Variants in LTBR observed in about 807,000 individuals in gnomAD.
LTBR encodes the protein tumor necrosis factor receptor superfamily member 3.
Under a neutral mutation model 45.4 loss-of-function variants are expected in LTBR, and 15 were observed. That is an observed-to-expected ratio of 0.33 (90% CI 0.22 to 0.51). LTBR has a LOEUF of 0.51. Among genes scored for constraint, LTBR ranks in the 20% least tolerant of loss-of-function variants. The probability of loss-of-function intolerance (pLI) is 0.97; values close to 1 mark genes in which losing one functional copy is unlikely to be tolerated. For missense variants in LTBR, 450 were observed against 565.5 expected (o/e 0.80, Z 2.07); for synonymous variants, 228 against 231.0 (o/e 0.99, Z 0.12).
In LTBR at chr12:6,391,226, C is replaced by G; in HGVS notation, c.*289C>G. The G allele has an allele frequency of 3.1e-6, 1 of 321,110 alleles. No homozygotes were observed. Among genetic ancestry groups the G allele is most frequent in the Non-Finnish European group, 5.7e-6 (1 of 176,146 alleles). The allele number at this position is 321,110 out of a possible 1,614,324, so 19.9% of individuals were successfully genotyped here. A position where few individuals can be genotyped will look rare whatever the true frequency, so the allele number is the denominator to read the frequency against. On this transcript the variant is annotated 3_prime_UTR_variant, in exon 10 of 10. Coordinates refer to ENST00000228918, the MANE Select transcript of LTBR (RefSeq NM_002342.3). ...CAGGGCACATGATACCAACTGCTGC[C>G]CACTACGGCACGCCGCACCGGAGCA...
At chr12:6,375,580 G>T (rs569868085) in exon 1 of LTBR, 14 of 1,522,352 alleles carry the variant, frequency 9.2e-6, no homozygotes, top group Admixed American at 2.0e-5. Flanking sequence ...AATCTCATTA[G>T]CATCTCAATT....
Position 6,386,619 on chromosome 12 carries a change from A to C in LTBR, c.667+175A>C. On this transcript the variant is annotated intron_variant, in intron 6 of 9. Transcript: ENST00000228918. This position sits in a 1 kb window ranked among gnomAD's most constrained non-coding sequence, Gnocchi z 4.1. ...TAGGCTAGTTTACACACACACACACACACACACACACACACACTTTTAAAA... is the reference window on the plus strand; with the variant it reads ...TAGGCTAGTTTACACACACACACACCCACACACACACACACACTTTTAAAA... 2 of 598,556 alleles carry C rather than the reference A, an allele frequency of 3.3e-6. No individual in the cohort carries two copies. Among genetic ancestry groups the C allele is most frequent in the Non-Finnish European group, 6.0e-6 (2 of 332,066 alleles). The allele number at this position is 598,556 out of a possible 1,614,324, so 37.1% of individuals were successfully genotyped here. A position where few individuals can be genotyped will look rare whatever the true frequency, so the allele number is the denominator to read the frequency against.
At chr12:6,383,373 T>C (rs79006907), upstream of LTBR, among the ~76,000 whole-genome samples, 3 of 152,280 alleles carry the variant, frequency 2.0e-5, no homozygotes, top group Non-Finnish European at 4.4e-5. Context: ...GTATCACCCT[T>C]AGCCTCCCTC....
chr12:6,384,063 C>A, upstream of LTBR: 1 of 1,215,414 alleles, frequency 8.2e-7, no homozygotes, highest in Non-Finnish European at 1.0e-6. Flanking sequence ...CGCCCCGCAT[C>A]GAGGCAGACA....
chr12:6,386,107 G>T lies in LTBR; in HGVS notation c.514G>T (p.Ala172Ser), dbSNP rs1235794885. 2 of 1,613,908 alleles carry T rather than the reference G, an allele frequency of 1.2e-6. No individual in the cohort carries two copies. The highest frequency in any genetic ancestry group is 1.7e-5 in the Admixed American group (1 of 60,002). Residue 172 changes from alanine (A) to serine (S), a missense_variant, in exon 5 of 10, where the codon GCC (alanine) becomes TCC (serine). Physicochemically the swap from Ala to Ser is moderately conservative, Grantham distance 99. Coordinates refer to ENST00000228918, the MANE Select transcript of LTBR (RefSeq NM_002342.3). The surrounding 1 kb of genome is among the most constrained non-coding windows in gnomAD (Gnocchi z 4.1). Reference protein sequence around the residue: ...KGNNHCVPCKAGHFQNTSSPS... With the variant: ...KGNNHCVPCKSGHFQNTSSPS... ...TAACAACCACTGCGTCCCCTGCAAG[G>T]CCGGGCACTTCCAGAATACCTCCTC...
intron 1 of LTBR, chr12:6,375,922 A>T: frequency 9.1e-7 from 1 of 1,104,818 alleles, no homozygotes; most frequent in Non-Finnish European, 1.1e-6. Flanking sequence ...AGCGAAGGAC[A>T]GAGAGATAGG....
rs771677644 is a variant in LTBR, at chr12:6,390,655, T to A, written c.1031-5T>A. 22 of 1,500,072 alleles carry A rather than the reference T, an allele frequency of 1.5e-5. No homozygotes were observed. In the Admixed American group the frequency reaches 1.6e-4, roughly 11 times the overall value. 92.9% of individuals were successfully genotyped at this position (1,500,072 alleles called of 1,614,324 possible). A position where few individuals can be genotyped will look rare whatever the true frequency, so the allele number is the denominator to read the frequency against. On this transcript the variant is annotated splice_polypyrimidine_tract_variant and splice_region_variant and intron_variant, in intron 9 of 9. Coordinates refer to ENST00000228918, the MANE Select transcript of LTBR (RefSeq NM_002342.3). ...TTCCTCAACACTCTGCCTCCCTTCC[T>A]ACAGGTACCAATGGCATTCATGTCA...
At position 6,386,128 on chromosome 12, in the gene LTBR, T is replaced by A. The variant is rs1252874511; in HGVS notation, c.535T>A (p.Ser179Thr). ...CAAGGCCGGGCACTTCCAGAATACC[T>A]CCTCCCCCAGCGCCCGCTGCCAGCC... ...PCKAGHFQNT[S>T]SPSARCQPHT... Residue 179 changes from serine (S) to threonine (T), a missense_variant, in exon 5 of 10, where the codon TCC becomes ACC. Ser to Thr is a moderately conservative substitution (Grantham distance 58). Coordinates refer to ENST00000228918, the MANE Select transcript of LTBR (RefSeq NM_002342.3). The surrounding 1 kb of genome is among the most constrained non-coding windows in gnomAD (Gnocchi z 4.1). 1.9e-6 allele frequency: 3 copies of A among 1,613,116 alleles called. No homozygotes were observed. Among genetic ancestry groups the A allele is most frequent in the Non-Finnish European group, 1.7e-6 (2 of 1,179,558 alleles).
chr12:6,391,099 G>A lies in LTBR; in HGVS notation c.*162G>A, dbSNP rs2136937063. 2 of 697,996 alleles carry A rather than the reference G, an allele frequency of 2.9e-6. No homozygotes were observed. The highest frequency in any genetic ancestry group is 2.9e-5 in the South Asian group (1 of 34,012). The allele number at this position is 697,996 out of a possible 1,614,324, so 43.2% of individuals were successfully genotyped here. A position where few individuals can be genotyped will look rare whatever the true frequency, so the allele number is the denominator to read the frequency against. On this transcript the variant is annotated 3_prime_UTR_variant, in exon 10 of 10. Transcript: ENST00000228918. ...CTCTGAGAGCAGGTGGGCACTGGCT[G>A]GGTACGGTGCCCTCCACAGGACTCT...
At chr12:6,376,258 C>A (rs1056666091) in intron 1 of LTBR, 3 of 912,660 alleles carry the variant, frequency 3.3e-6, no homozygotes, top group East Asian at 2.4e-4. Context: ...TCGCCACCCC[C>A]TCCAACCTTG....
rs760784258 is a variant in LTBR, at chr12:6,386,456, G to A, written c.667+12G>A. On this transcript the variant is annotated intron_variant, in intron 6 of 9. Transcript: ENST00000228918. The surrounding 1 kb of genome is among the most constrained non-coding windows in gnomAD (Gnocchi z 4.1). ...CCCAGAGATGTCAGGTGAGGGACCA[G>A]GGCTGAGGGACACGGGGGGGGCGCC... 6.4e-7 allele frequency: 1 copy of A among 1,558,812 alleles called. No individual in the cohort carries two copies. Among genetic ancestry groups the A allele is most frequent in the East Asian group, 2.3e-5 (1 of 42,866 alleles).
rs1261799897 is a variant in LTBR, at chr12:6,385,250, C to T, written c.343C>T (p.Pro115Ser). Reference sequence around the variant, plus strand: ...AGTGATGGGCCTCGAGGAGATTGCCCCCTGCACAAGCAAACGGAAGACCCA... The same window carrying T: ...AGTGATGGGCCTCGAGGAGATTGCCTCCTGCACAAGCAAACGGAAGACCCA... ...DPVMGLEEIA[P>S]CTSKRKTQCR... Residue 115 changes from proline (P) to serine (S), a missense_variant, in exon 4 of 10, where the codon CCC becomes TCC. Transcript: ENST00000228918. The T allele has an allele frequency of 6.2e-7, 1 of 1,614,088 alleles. No homozygotes were observed. Among genetic ancestry groups the T allele is most frequent in the Non-Finnish European group, 8.5e-7 (1 of 1,180,018 alleles).
chr12:6,384,949 G>A, intron 2 of LTBR, 73 bp from the exon 3 acceptor site: 2 of 1,588,736 alleles, frequency 1.3e-6, no homozygotes, highest in Non-Finnish European at 1.7e-6. Context: ...AAAGGCCAGG[G>A]TCACACTACA....
upstream of LTBR, among the ~76,000 whole-genome samples, chr12:6,380,027 C>A (rs985587543): frequency 6.6e-6 from 1 of 151,948 alleles, no homozygotes; most frequent in Non-Finnish European, 1.5e-5. Flanking sequence ...AACCTTGGCA[C>A]TATTGACATT....
In LTBR at chr12:6,388,451, G is replaced by C. The variant is rs1949073983; in HGVS notation, c.721G>C (p.Ala241Pro). Residue 241 changes from alanine to proline, a missense_variant, in exon 7 of 10, where the codon GCC (alanine) becomes CCC (proline). Coordinates refer to ENST00000228918, the MANE Select transcript of LTBR (RefSeq NM_002342.3). This position sits in a 1 kb window ranked among gnomAD's most constrained non-coding sequence, Gnocchi z 4.3. ...GCCACTGGCCTTCTTTCTGCTCCTT[G>C]CCACCGTCTTCTCCTGCATCTGGAA... ...LLPLAFFLLLATVFSCIWKSH... is the reference protein window; with the variant it reads ...LLPLAFFLLLPTVFSCIWKSH... 1 of 1,613,796 alleles carries C rather than the reference G, an allele frequency of 6.2e-7. No individual in the cohort carries two copies. The highest frequency in any genetic ancestry group is 8.5e-7 in the Non-Finnish European group (1 of 1,180,002).
Position 6,388,996 on chromosome 12 carries a change from G to A in LTBR, c.801+171G>A, listed in dbSNP as rs149639344. 3 of 712,866 alleles carry A rather than the reference G, an allele frequency of 4.2e-6. No homozygotes were observed. In the African/African-American group the frequency reaches 5.3e-5, roughly 13 times the overall value. 44.2% of individuals were successfully genotyped at this position (712,866 alleles called of 1,614,324 possible). On this transcript the variant is annotated intron_variant, in intron 8 of 9. Transcript: ENST00000228918. This position sits in a 1 kb window ranked among gnomAD's most constrained non-coding sequence, Gnocchi z 4.3. The stretch of plus-strand genomic sequence containing the variant: ...CACTGTCCTAGGCACTGGGCGTACA[G>A]CAGTGAGCAAAACACAGTACCTCAT...
rs1303365451 is a variant in LTBR at position 6,384,588 on chromosome 12, G to T, written c.97G>T (p.Val33Leu). The change falls in exon 2 of 10, where the codon GTG becomes TTG. Residue 33 changes from valine to leucine, a missense_variant and splice_region_variant. Val to Leu is a conservative substitution (Grantham distance 32). This residue lies in a region of LTBR where 367 missense variants were observed against 435.4 expected (regional missense o/e 0.84). Transcript: ENST00000228918. The part of the protein sequence containing the change: ...GLLAASQPQA[V>L]PPYASENQTC... ...TCCTCTTCTCCATCTCCCTTTGAAG[G>T]TGCCTCCATATGCGTCGGAGAACCA... is the stretch of plus-strand genomic sequence containing the variant. 1 of 1,613,814 alleles carries T rather than the reference G, an allele frequency of 6.2e-7. No homozygotes were observed. Among genetic ancestry groups the T allele is most frequent in the Admixed American group, 1.7e-5 (1 of 60,006 alleles).
chr12:6,380,439 G>C (rs915308234), upstream of LTBR, among the ~76,000 whole-genome samples: 2 of 152,104 alleles, frequency 1.3e-5, no homozygotes, highest in Non-Finnish European at 2.9e-5. Flanking sequence ...CCAGTACTTT[G>C]GGAGGCTAAG....
chr12:6,382,444 G>A (rs1948993506), upstream of LTBR, among the ~76,000 whole-genome samples: 1 of 152,184 alleles, frequency 6.6e-6, no homozygotes, highest in Non-Finnish European at 1.5e-5. Context: ...AGAAGAGAGA[G>A]AAAAAAGGAC....
Sources: gnomAD v4.1 joint callset for allele counts (sites outside exome capture counted in the v4.1 genomes callset) on GRCh38, gnomAD v4.1.1 for gene constraint, gnomAD v4.1.1 regional missense constraint, Gnocchi (gnomAD v3.1) non-coding constraint, MANE v1.5 for transcripts, NCBI Gene and HGNC (gene_info 2026-07-23, HGNC 2026-07-21) for gene names.